The following IGSF10 variants were observed in gnomAD, a reference collection of about 807,000 sequenced individuals.
IGSF10 encodes immunoglobulin superfamily member 10.
IGSF10 carries 126 observed loss-of-function variants against 128.2 expected under a neutral mutation model. The ratio of observed to expected loss-of-function variants is 0.98; its 90% CI spans 0.85 to 1.14. The LOEUF (loss-of-function observed/expected upper bound fraction) is 1.14. IGSF10 is among the 50% of genes most tolerant of loss of function. IGSF10 has a pLI of 0.00. For synonymous variants in IGSF10, 1,185 were observed against 1,146.2 expected, an observed-to-expected ratio of 1.03 and a Z score of -0.68; for missense variants, 3,295 against 3,149.8, an observed-to-expected ratio of 1.05 and a Z score of -1.10.
downstream of IGSF10, chr3:151,434,490 T>C (rs1719873876): frequency 6.7e-6 from 1 of 148,534 alleles, no homozygotes; most frequent in Non-Finnish European, 1.5e-5. Context: ...AACTATTCTT[T>C]TCACTAAATT....
At position 151,437,504 on chromosome 3, in the gene IGSF10, T is replaced by C; in HGVS notation, c.7057A>G (p.Lys2353Glu). 1.2e-6 allele frequency: 2 copies of C among 1,614,180 alleles called. No individual in the cohort carries two copies. Among genetic ancestry groups the C allele is most frequent in the South Asian group, 2.2e-5 (2 of 91,086 alleles). ...FNEKIVAQLG[K>E]STALNCSVDG... The stretch of plus-strand genomic sequence containing the variant: ...ACAGAGCAATTCAATGCTGTGGACT[T>C]TCCCAGCTGGGCAACTATTTTTTCA... Residue 2353 changes from lysine (K) to glutamate (E), a missense_variant, in exon 8 of 8, where the codon AAG becomes GAG. Physicochemically the swap from Lys to Glu is moderately conservative, Grantham distance 56. Coordinates refer to ENST00000282466, the MANE Select transcript of IGSF10 (RefSeq NM_178822.5).
chr3:151,491,069 A>T, the IGSF10 span, among the ~76,000 whole-genome samples: 5 of 152,160 alleles, frequency 3.3e-5, no homozygotes, highest in Non-Finnish European at 7.3e-5. Flanking sequence ...AACCAAGTTG[A>T]TTCTTTGGAA....
chr3:151,452,523 T>G lies in IGSF10; in HGVS notation c.715+861A>C, dbSNP rs553114235. On this transcript the variant is annotated intron_variant, in intron 5 of 7. Coordinates refer to ENST00000282466, the MANE Select transcript of IGSF10 (RefSeq NM_178822.5). ...TTTTATTTCACCTCCATTGTAAATC[T>G]TATGGGAGGATCATTATATATGCCA... 2.4e-4 allele frequency among the ~76,000 whole-genome samples: 37 copies of G among 152,332 alleles called. No homozygotes were observed. In the South Asian group the frequency reaches 6.2e-3, roughly 26 times the overall value.
At chr3:151,538,071 T>C in the IGSF10 span, among the ~76,000 whole-genome samples, 1 of 152,144 alleles carries the variant, frequency 6.6e-6, no homozygotes, top group Non-Finnish European at 1.5e-5. Context: ...GAGATCAAAA[T>C]TGTGGGATTC....
chr3:151,453,829 G>T, intron 4 of IGSF10, 55 bp from the exon 5 acceptor site: 2 of 1,085,040 alleles, frequency 1.8e-6, no homozygotes, highest in South Asian at 1.7e-5. Context: ...TTCACAAGAG[G>T]GAAAAGTCCT....
At position 151,455,356 on chromosome 3, in the gene IGSF10, C is replaced by CT. The variant is rs369027204; in HGVS notation, c.325-1583_325-1582insA. On this transcript the variant is annotated intron_variant, in intron 4 of 7. Transcript: ENST00000282466. ...TGAACTCCCAACCTCAGGTGATCTG[C>CT]CCCCCCTTGGCCTCCCAAAGTTCTG... 2.5e-3 allele frequency among the ~76,000 whole-genome samples: 29 copies of CT among 11,538 alleles called. No individual in the cohort carries two copies. In the East Asian group the frequency reaches 0.043, roughly 17 times the overall value. The allele number at this position is 11,538 out of a possible 152,430, so 7.6% of individuals were successfully genotyped here. A position where few individuals can be genotyped will look rare whatever the true frequency, so the allele number is the denominator to read the frequency against.
the IGSF10 span, among the ~76,000 whole-genome samples, chr3:151,532,849 A>T: frequency 3.3e-5 from 5 of 152,236 alleles, no homozygotes; most frequent in Non-Finnish European, 7.3e-5. Context: ...GAAGAAATAA[A>T]GGGTATTCAA....
chr3:151,525,973 A>G, the IGSF10 span, among the ~76,000 whole-genome samples: 2 of 152,296 alleles, frequency 1.3e-5, no homozygotes, highest in East Asian at 3.9e-4. Flanking sequence ...CAGAACATGT[A>G]CACCGGGGAG....
At chr3:151,515,102 GC>G in the IGSF10 span, among the ~76,000 whole-genome samples, 1 of 152,114 alleles carries the variant, frequency 6.6e-6, no homozygotes, top group Non-Finnish European at 1.5e-5. Context: ...ATTTGACCCA[GC>G]CATCCCATTA....
the IGSF10 span, among the ~76,000 whole-genome samples, chr3:151,547,769 T>C: frequency 2.0e-5 from 3 of 152,224 alleles, no homozygotes; most frequent in Non-Finnish European, 4.4e-5. Context: ...ATGCTCCTGA[T>C]ATTGCATGTC....
chr3:151,554,704 A>G, the IGSF10 span, among the ~76,000 whole-genome samples: 1 of 152,192 alleles, frequency 6.6e-6, no homozygotes, highest in Non-Finnish European at 1.5e-5. Context: ...ACCAAAAACT[A>G]TCATCACTAT....
chr3:151,436,734 G>GTTCT lies in IGSF10; in HGVS notation c.7823_7826dup (p.Asn2609LysfsTer6), dbSNP rs778468883. On this transcript the variant is annotated frameshift_variant, in exon 8 of 8. Transcript: ENST00000282466. LOFTEE classifies it high-confidence loss of function. ...TTGCTGCATAATCACTACCAAGTGG[G>GTTCT]TTCTTTGCTGTGCATTTGTATATCC... The GTTCT allele has an allele frequency of 8.7e-6, 14 of 1,613,944 alleles. No individual in the cohort carries two copies. The highest frequency in any genetic ancestry group is 4.0e-5 in the African/African-American group (3 of 74,924).
the IGSF10 span, among the ~76,000 whole-genome samples, chr3:151,534,937 C>A: frequency 6.6e-6 from 1 of 151,814 alleles, no homozygotes; most frequent in Non-Finnish European, 1.5e-5. Context: ...ACAGTAGTTA[C>A]AAGCATACAC....
chr3:151,518,973 G>A, the IGSF10 span, among the ~76,000 whole-genome samples: 4 of 151,862 alleles, frequency 2.6e-5, no homozygotes, highest in African/African-American at 9.7e-5. Context: ...CAAAGTGCTA[G>A]CTATCTTTGA....
the IGSF10 span, among the ~76,000 whole-genome samples, chr3:151,532,644 C>A: frequency 3.8e-3 from 578 of 152,290 alleles, 3 homozygotes; most frequent in Non-Finnish European, 5.8e-3. Context: ...ATGCTAAAAA[C>A]TCTCAGTAAA....
upstream of IGSF10, among the ~76,000 whole-genome samples, chr3:151,463,523 G>GTTTTTTTTTTTTTGTTTT (rs1722144272): frequency 5.1e-4 from 16 of 31,270 alleles, 2 homozygotes; most frequent in African/African-American, 7.4e-4. Context: ...ACATTTTCTG[G>GTTTTTTTTTTTTTGTTTT]TTTTTTTTTT....
At chr3:151,570,402 T>G in the IGSF10 span, among the ~76,000 whole-genome samples, 1 of 152,034 alleles carries the variant, frequency 6.6e-6, no homozygotes, top group Non-Finnish European at 1.5e-5. Flanking sequence ...ACCTGTTGTT[T>G]CCTGTCTTTT....
chr3:151,460,283 G>C lies in IGSF10; in HGVS notation c.-24C>G. 1.0e-6 allele frequency: 1 copy of C among 978,860 alleles called. No individual in the cohort carries two copies. The highest frequency in any genetic ancestry group is 1.2e-6 in the Non-Finnish European group (1 of 823,946). 60.6% of individuals were successfully genotyped at this position (978,860 alleles called of 1,614,324 possible). A position where few individuals can be genotyped will look rare whatever the true frequency, so the allele number is the denominator to read the frequency against. The stretch of plus-strand genomic sequence containing the variant: ...TACCTGAGCTCTTCTTTCAGGTCCT[G>C]AGTCCTCTTGTGACATAGGCAGAGA... On this transcript the variant is annotated 5_prime_UTR_variant, in exon 2 of 8. An upstream open reading frame in the 5' UTR gains an earlier in-frame stop. Transcript: ENST00000282466.
chr3:151,486,673 C>T, the IGSF10 span, among the ~76,000 whole-genome samples: 1 of 152,200 alleles, frequency 6.6e-6, no homozygotes, highest in Non-Finnish European at 1.5e-5. Flanking sequence ...CAAAACCGCA[C>T]AGCTACATGG....
Sources: allele counts gnomAD v4.1 joint callset (sites outside exome capture counted in the v4.1 genomes callset), GRCh38; gene constraint gnomAD v4.1.1; transcripts MANE v1.5; gene names NCBI Gene and HGNC (gene_info 2026-07-23, HGNC 2026-07-21).